Variants in TAFAZZIN observed in about 807,000 individuals in gnomAD.
TAFAZZIN encodes the protein protein G4.5.
A neutral mutation model predicts 27.3 loss-of-function variants in TAFAZZIN; 6 were observed. The observed-to-expected ratio is 0.22, with a 90% CI of 0.12 to 0.43. TAFAZZIN has a LOEUF of 0.43. TAFAZZIN is among the 20% of genes least tolerant of loss of function. The pLI, the probability that TAFAZZIN is intolerant of heterozygous loss-of-function variation, is 1.00. For missense variants in TAFAZZIN, 127 were observed against 244.5 expected (o/e 0.52, Z 3.21); for synonymous variants, 79 against 96.2 (o/e 0.82, Z 1.04).
chrX:154,414,005 C>G (rs1384150458), intron 4 of TAFAZZIN, 96 bp from the exon 5 acceptor site: 36 of 583,536 alleles, frequency 6.2e-5, no homozygotes, highest in Non-Finnish European at 1.0e-4. Context: ...ATTCTCCAGA[C>G]AGGGAGGATC....
intron 9 of TAFAZZIN, 32 bp from the exon 10 acceptor site, chrX:154,420,626 G>A (rs781863692): frequency 8.3e-7 from 1 of 1,205,608 alleles, no homozygotes; most frequent in Admixed American, 2.2e-5. Flanking sequence ...CACTCCTACT[G>A]CTCCTCATCA....
chrX:154,420,827 C>A, intron 10 of TAFAZZIN, 76 bp from the exon 11 acceptor site: 1 of 1,182,537 alleles, frequency 8.5e-7, no homozygotes, highest in Non-Finnish European at 1.1e-6. Flanking sequence ...TCCCGTCACC[C>A]TCCCAGGGCA....
rs781986704 is a variant in TAFAZZIN, at chrX:154,411,718, C to A, written c.-126C>A. 1.6e-6 allele frequency: 1 copy of A among 637,124 alleles called. No individual in the cohort carries two copies. 52.5% of individuals were successfully genotyped at this position (637,124 alleles called of 1,213,427 possible). ...CTCGGTCCAGTCCCCTGTTGCGCCG[C>A]GCCCCCGTCCGTCCGTGCGCGGGCC... On this transcript the variant is annotated 5_prime_UTR_variant, in exon 1 of 11. Coordinates refer to ENST00000601016, the MANE Select transcript of TAFAZZIN (RefSeq NM_000116.5).
At position 154,420,926 on chromosome X, in the gene TAFAZZIN, G is replaced by T. The variant is rs781792950; in HGVS notation, c.801G>T (p.Thr267=). ...AGGTGGAGATGCGGAAAGCCCTGAC[G>T]GACTTCATTCAAGAGGAATTCCAGC... ...KSAVEMRKAL[T]DFIQEEFQHL... is the part of the protein sequence containing the mutation. The change falls in exon 11 of 11, where the codon ACG becomes ACT. Residue 267 remains threonine, a synonymous_variant. Transcript: ENST00000601016. 2 of 1,211,269 alleles carry T rather than the reference G, an allele frequency of 1.7e-6. No homozygotes were observed. Among genetic ancestry groups the T allele is most frequent in the Admixed American group, 2.2e-5 (1 of 46,015 alleles).
At position 154,419,358 on chromosome X, in the gene TAFAZZIN, T is replaced by C. The variant is rs1320420408; in HGVS notation, c.461-185T>C. 36 of 477,486 alleles carry C rather than the reference T, an allele frequency of 7.5e-5. No homozygotes were observed. In the Admixed American group the frequency reaches 1.2e-3, roughly 16 times the overall value. The allele number at this position is 477,486 out of a possible 1,213,427, so 39.4% of individuals were successfully genotyped here. ...CGTCTGTGGATGGCGCAGTGGGGGATGGGAAGTCCCTAATCTGCTGGGGCT... is the reference window on the plus strand; with the variant it reads ...CGTCTGTGGATGGCGCAGTGGGGGACGGGAAGTCCCTAATCTGCTGGGGCT... On this transcript the variant is annotated intron_variant, in intron 5 of 10. Coordinates refer to ENST00000601016, the MANE Select transcript of TAFAZZIN (RefSeq NM_000116.5).
chrX:154,411,603 A>T lies in TAFAZZIN; in HGVS notation c.-241A>T. ...GCCTTCCCGTTTCCTCCCGTTCCGC[A>T]GCGCGCCCACGGCCTGTGACCCCGG... is the stretch of plus-strand genomic sequence containing the variant. On this transcript the variant is annotated 5_prime_UTR_variant, in exon 1 of 11. Transcript: ENST00000601016. 1 of 439,197 alleles carries T rather than the reference A, an allele frequency of 2.3e-6. No homozygotes were observed. Among genetic ancestry groups the T allele is most frequent in the Non-Finnish European group, 4.1e-6 (1 of 243,608 alleles). The allele number at this position is 439,197 out of a possible 1,213,427, so 36.2% of individuals were successfully genotyped here.
intron 5 of TAFAZZIN, among the ~76,000 whole-genome samples, chrX:154,416,999 G>A (rs2068508719): frequency 9.0e-6 from 1 of 111,247 alleles, no homozygotes; most frequent in Non-Finnish European, 1.9e-5. Flanking sequence ...GCAGCGCATG[G>A]TGGCAGGCAC....
intron 9 of TAFAZZIN, 101 bp from the exon 10 acceptor site, chrX:154,420,557 G>A: frequency 1.0e-6 from 1 of 958,974 alleles, no homozygotes; most frequent in Non-Finnish European, 1.5e-6. Flanking sequence ...GGAGTGTGTG[G>A]CACAGCAGGG....
chrX:154,417,149 C>A (rs782537587), intron 5 of TAFAZZIN, among the ~76,000 whole-genome samples: 155 of 107,059 alleles, frequency 1.4e-3, no homozygotes, highest in African/African-American at 3.1e-3. Context: ...AAAAAAAAAA[C>A]AAAAAATTAT....
intron 5 of TAFAZZIN, among the ~76,000 whole-genome samples, chrX:154,414,894 C>T (rs928490520): frequency 1.9e-5 from 2 of 105,794 alleles, no homozygotes. Context: ...GAGACTGAGA[C>T]GGGAGCATTG....
chrX:154,417,699 G>A (rs782109951), intron 5 of TAFAZZIN, among the ~76,000 whole-genome samples: 1 of 111,945 alleles, frequency 8.9e-6, no homozygotes, highest in East Asian at 2.8e-4. Context: ...CCCCTGGAGC[G>A]GTTTCTCTTT....
At position 154,420,364 on chromosome X, in the gene TAFAZZIN, A is replaced by G. The variant is rs1487268900; in HGVS notation, c.699+100A>G. ...AGGCCAGCTGCAGGAGGAGCTGAGC[A>G]TGAGGCTACAGCAGGGGACAGAGTG... On this transcript the variant is annotated intron_variant, in intron 9 of 10. Coordinates refer to ENST00000601016, the MANE Select transcript of TAFAZZIN (RefSeq NM_000116.5). The G allele has an allele frequency of 1.2e-5, 12 of 1,002,308 alleles. No individual in the cohort carries two copies. In the African/African-American group the frequency reaches 2.1e-4, roughly 17 times the overall value. The allele number at this position is 1,002,308 out of a possible 1,213,427, so 82.6% of individuals were successfully genotyped here.
intron 9 of TAFAZZIN, 110 bp from the exon 10 acceptor site, chrX:154,420,548 G>A: frequency 1.1e-6 from 1 of 894,458 alleles, no homozygotes; most frequent in Non-Finnish European, 1.6e-6. Context: ...GGCCCCTGGG[G>A]AGTGTGTGGC....
Position 154,413,512 on chromosome X carries a change from C to T in TAFAZZIN, c.315C>T (p.Thr105=), listed in dbSNP as rs1250977043. 1 of 1,210,984 alleles carries T rather than the reference C, an allele frequency of 8.3e-7. No homozygotes were observed. The highest frequency in any genetic ancestry group is 1.1e-6 in the Non-Finnish European group (1 of 895,346). Residue 105 remains threonine (T), a synonymous_variant, in exon 4 of 11, where the codon ACC becomes ACT. Coordinates refer to ENST00000601016, the MANE Select transcript of TAFAZZIN (RefSeq NM_000116.5). ...CTGCAGCTGCAGACATCTGCTTCAC[C>T]AAGGAGCTACACTCCCACTTCTTCA... is the stretch of plus-strand genomic sequence containing the variant. ...WTPAAADICF[T]KELHSHFFSL...
At chrX:154,412,048 G>A in intron 1 of TAFAZZIN, 38 bp from the exon 2 acceptor site, 2 of 1,208,736 alleles carry the variant, frequency 1.7e-6, no homozygotes, top group Non-Finnish European at 2.2e-6. Flanking sequence ...CGACCTAGCG[G>A]GCGAGCCCGG....
Position 154,414,100 on chromosome X carries a change from G to C in TAFAZZIN, c.371-1G>C. On this transcript the variant is annotated splice_acceptor_variant, in intron 4 of 10. Coordinates refer to ENST00000601016, the MANE Select transcript of TAFAZZIN (RefSeq NM_000116.5). LOFTEE classifies it high-confidence loss of function. ...AATCCAGATTGCTCCTTCCTCTGCA[G>C]GAGCAGAATTTTTCCAAGCAGAGAA... 1 of 1,193,921 alleles carries C rather than the reference G, an allele frequency of 8.4e-7. No individual in the cohort carries two copies. The highest frequency in any genetic ancestry group is 1.1e-6 in the Non-Finnish European group (1 of 879,987).
chrX:154,411,876 G>C lies in TAFAZZIN; in HGVS notation c.33G>C (p.Ala11=), dbSNP rs782158312. Reference sequence around the variant, plus strand: ...TGCACGTGAAGTGGCCGTTCCCCGCGGTGCCGCCGCTCACCTGGACCCTGG... The same window carrying C: ...TGCACGTGAAGTGGCCGTTCCCCGCCGTGCCGCCGCTCACCTGGACCCTGG... The part of the protein sequence containing the change: MPLHVKWPFP[A]VPPLTWTLAS... The change falls in exon 1 of 11, where the codon GCG becomes GCC. Residue 11 remains alanine, a synonymous_variant. Coordinates refer to ENST00000601016, the MANE Select transcript of TAFAZZIN (RefSeq NM_000116.5). 12 of 1,203,105 alleles carry C rather than the reference G, an allele frequency of 1.0e-5. No homozygotes were observed. The highest frequency in any genetic ancestry group is 1.1e-6 in the Non-Finnish European group (1 of 893,136).
At position 154,420,328 on chromosome X, in the gene TAFAZZIN, C is replaced by T. The variant is rs902299531; in HGVS notation, c.699+64C>T. ...TGCTGTCTGCTCCGTGTCTCCCACT[C>T]AGCACTATGGAGGCCAGCTGCAGGA... is the stretch of plus-strand genomic sequence containing the variant. On this transcript the variant is annotated intron_variant, in intron 9 of 10. Coordinates refer to ENST00000601016, the MANE Select transcript of TAFAZZIN (RefSeq NM_000116.5). 2.1e-5 allele frequency: 24 copies of T among 1,163,776 alleles called. No individual in the cohort carries two copies. The East Asian group carries it at 6.8e-4, about 33-fold the overall frequency.
chrX:154,419,663 C>T (rs782616414), intron 6 of TAFAZZIN, 40 bp downstream of exon 6: 6 of 1,210,591 alleles, frequency 5.0e-6, no homozygotes, highest in African/African-American at 3.5e-5. Flanking sequence ...CCAGTATGAG[C>T]GGGATGGGCT....
Sources: allele counts gnomAD v4.1 joint callset (sites outside exome capture counted in the v4.1 genomes callset), GRCh38; gene constraint gnomAD v4.1.1; transcripts MANE v1.5; gene names NCBI Gene and HGNC (gene_info 2026-07-23, HGNC 2026-07-21).